Variants in CCSER1 observed in about 807,000 individuals in gnomAD.
CCSER1 encodes coiled-coil serine rich protein 1, also known as serine-rich coiled-coil domain-containing protein 1.
A neutral mutation model predicts 82.0 loss-of-function variants in CCSER1; 41 were observed. The ratio of observed to expected loss-of-function variants is 0.50; its 90% confidence interval spans 0.39 to 0.65. The LOEUF is 0.65. Among genes scored for constraint, CCSER1 ranks in the 30% least tolerant of loss-of-function variants. CCSER1 has a pLI of 0.00. For synonymous variants in CCSER1, 414 were observed against 383.9 expected (o/e 1.08, Z -0.92); for missense variants, 1,119 against 1,064.2 (o/e 1.05, Z -0.72).
At chr4:91,578,223 G>A (rs2110303898) in intron 10 of CCSER1, among the ~76,000 whole-genome samples, 1 of 152,074 alleles carries the variant, frequency 6.6e-6, no homozygotes, top group Non-Finnish European at 1.5e-5. Context: ...AACTATGGTA[G>A]GCCAAAGGTA....
rs192747718 is a variant in CCSER1, at chr4:90,602,660, A to G, written c.1725-25365A>G. Among the ~76,000 whole-genome samples the G allele has an allele frequency of 3.3e-5, 5 of 152,320 alleles. No homozygotes were observed. In the East Asian group the frequency reaches 9.6e-4, roughly 29 times the overall value. ...AGAATAAGCCCAAGTGGATTTAGAC[A>G]GTTTATTACCCATGACAAAGCAAAC... On this transcript the variant is annotated intron_variant, in intron 5 of 10. Transcript: ENST00000509176.
intron 7 of CCSER1, among the ~76,000 whole-genome samples, chr4:90,757,483 GACT>G (rs1749717485): frequency 6.6e-6 from 1 of 152,196 alleles, no homozygotes; most frequent in African/African-American, 2.4e-5. Context: ...TAGCATGAGT[GACT>G]TCATTTTGGT....
At chr4:91,146,425 T>A (rs1312946554) in intron 10 of CCSER1, among the ~76,000 whole-genome samples, 1 of 152,160 alleles carries the variant, frequency 6.6e-6, no homozygotes, top group Non-Finnish European at 1.5e-5. Context: ...TGTCTGTCAT[T>A]TCAGACATTT....
intron 5 of CCSER1, among the ~76,000 whole-genome samples, chr4:90,481,756 G>T (rs9683780): frequency 0.015 from 2,353 of 152,242 alleles, 40 homozygotes; most frequent in African/African-American, 0.045. Flanking sequence ...TTGATGTGTT[G>T]CTGGATTCGG....
At chr4:90,312,761 C>T in intron 2 of CCSER1, 102 bp from the exon 3 acceptor site, 1 of 904,076 alleles carries the variant, frequency 1.1e-6, no homozygotes, top group Non-Finnish European at 1.7e-6. Flanking sequence ...GATAGAGAAA[C>T]TTTGAATAAC....
chr4:90,230,661 C>T (rs1450763122), intron 1 of CCSER1, among the ~76,000 whole-genome samples: 3 of 148,670 alleles, frequency 2.0e-5, no homozygotes, highest in Non-Finnish European at 4.5e-5. Flanking sequence ...AAAAACCCTT[C>T]AAAAAATTAA....
chr4:91,483,631 TCACCATGTTGGTCAGG>T (rs1758064408), intron 10 of CCSER1, among the ~76,000 whole-genome samples: 1 of 152,012 alleles, frequency 6.6e-6, no homozygotes, highest in Non-Finnish European at 1.5e-5. Context: ...AGACGGGATT[TCACCATGTTGGTCAGG>T]CTGGTCTCGA....
chr4:91,535,032 A>T lies in CCSER1; in HGVS notation c.2218-63540A>T, dbSNP rs536642852. Among the ~76,000 whole-genome samples the T allele has an allele frequency of 1.1e-4, 17 of 151,960 alleles. No individual in the cohort carries two copies. In the South Asian group the frequency reaches 3.5e-3, roughly 32 times the overall value. Reference sequence around the variant, plus strand: ...GATTGTTATAAACTCTACTACAGATAATTTTATTTTGTGTTACATGTGTAA... The same window carrying T: ...GATTGTTATAAACTCTACTACAGATTATTTTATTTTGTGTTACATGTGTAA... On this transcript the variant is annotated intron_variant, in intron 10 of 10. Coordinates refer to ENST00000509176, the MANE Select transcript of CCSER1 (RefSeq NM_001145065.2).
At chr4:91,445,418 A>C (rs1252890339) in intron 10 of CCSER1, among the ~76,000 whole-genome samples, 1 of 146,984 alleles carries the variant, frequency 6.8e-6, no homozygotes. Flanking sequence ...CATTTTAGCC[A>C]TCTTTTCCTC....
chr4:91,209,813 G>A (rs1357184393), intron 10 of CCSER1, among the ~76,000 whole-genome samples: 2 of 151,564 alleles, frequency 1.3e-5, no homozygotes, highest in Non-Finnish European at 3.0e-5. Flanking sequence ...GTCTAGGGAG[G>A]ATGTATGCTT....
chr4:90,897,083 A>T (rs1723822126), intron 8 of CCSER1, among the ~76,000 whole-genome samples: 1 of 151,806 alleles, frequency 6.6e-6, no homozygotes, highest in Non-Finnish European at 1.5e-5. Context: ...ATATTTGGGG[A>T]CCAATTACAC....
At chr4:90,221,818 C>T (rs569360627) in intron 1 of CCSER1, among the ~76,000 whole-genome samples, 93 of 152,166 alleles carry the variant, frequency 6.1e-4, no homozygotes, top group Non-Finnish European at 9.7e-4. Context: ...AACTAAGAGC[C>T]ATATGATAAA....
intron 10 of CCSER1, among the ~76,000 whole-genome samples, chr4:91,494,365 T>C (rs1214120359): frequency 6.6e-6 from 1 of 151,812 alleles, no homozygotes; most frequent in Non-Finnish European, 1.5e-5. Flanking sequence ...TTCTGCTCGT[T>C]AAGTTCAAAT....
intron 1 of CCSER1, among the ~76,000 whole-genome samples, chr4:90,202,415 C>T (rs1183361968): frequency 1.3e-5 from 2 of 152,102 alleles, no homozygotes; most frequent in African/African-American, 2.4e-5. Flanking sequence ...GTTGTCCAGG[C>T]TAGTCTCGAA....
At chr4:91,355,487 C>T (rs190344035) in intron 10 of CCSER1, among the ~76,000 whole-genome samples, 23 of 152,152 alleles carry the variant, frequency 1.5e-4, no homozygotes, top group African/African-American at 4.6e-4. Context: ...ATTATACAAA[C>T]GAGTTTCTTT....
At chr4:90,235,227 A>G (rs1745558007) in intron 1 of CCSER1, 1 of 152,488 alleles carries the variant, frequency 6.6e-6, no homozygotes, top group African/African-American at 2.4e-5. Flanking sequence ...TCCATGTCCC[A>G]GGGTGATTCC....
rs1158531206 is a variant in CCSER1, at chr4:90,276,186, T to TTTTCTTTC, written c.-41-31997_-41-31990dup. ...TCTAGCAGGAAAGACTTGAACACTGTTTTCTTTCTTTCTTTCTTTCTTTCT... is the reference window on the plus strand; with the variant it reads ...TCTAGCAGGAAAGACTTGAACACTGTTTTCTTTCTTTCTTTCTTTCTTTCTTTCTTTCT... On this transcript the variant is annotated intron_variant, in intron 1 of 10. Transcript: ENST00000509176. Among the ~76,000 whole-genome samples the TTTTCTTTC allele has an allele frequency of 3.6e-3, 406 of 113,286 alleles. 48 individuals carry two copies. The highest frequency in any genetic ancestry group is 5.3e-3 in the East Asian group (19 of 3,578). The allele number at this position is 113,286 out of a possible 152,430, so 74.3% of individuals were successfully genotyped here.
intron 1 of CCSER1, among the ~76,000 whole-genome samples, chr4:90,242,174 G>A (rs1746984241): frequency 6.6e-6 from 1 of 152,224 alleles, no homozygotes; most frequent in Admixed American, 6.5e-5. Flanking sequence ...GGGCATGGTG[G>A]TGCATGCCTG....
chr4:91,090,530 G>A (rs1723836236), intron 10 of CCSER1, among the ~76,000 whole-genome samples: 1 of 152,116 alleles, frequency 6.6e-6, no homozygotes. Flanking sequence ...TCCTTCTCTA[G>A]CTATGCAATA....
Sources: gnomAD v4.1 joint callset for allele counts (sites outside exome capture counted in the v4.1 genomes callset) on GRCh38, gnomAD v4.1.1 for gene constraint, MANE v1.5 for transcripts, NCBI Gene and HGNC (gene_info 2026-07-23, HGNC 2026-07-21) for gene names.